The following CEBPA variants were observed in gnomAD, a reference collection of about 807,000 sequenced individuals.
The protein encoded by CEBPA is CCAAT/enhancer-binding protein alpha.
CEBPA carries 2 observed loss-of-function variants against 5.1 expected under a neutral mutation model. That is an observed-to-expected ratio of 0.39 (90% CI 0.16 to 1.23). CEBPA has a LOEUF of 1.23. CEBPA is among the 50% of genes most tolerant of loss of function. The probability of loss-of-function intolerance (pLI) is 0.34; values close to 1 mark genes in which losing one functional copy is unlikely to be tolerated. For missense variants in CEBPA, 455 were observed against 537.4 expected, an observed-to-expected ratio of 0.85 and a Z score of 1.52; for synonymous variants, 275 against 264.1, an observed-to-expected ratio of 1.04 and a Z score of -0.40.
In CEBPA at chr19:33,301,130, C is replaced by T. The variant is rs916971060; in HGVS notation, c.*208G>A. The T allele has an allele frequency of 2.4e-6, 2 of 826,928 alleles. No homozygotes were observed. The highest frequency in any genetic ancestry group is 2.7e-5 in the East Asian group (1 of 37,164). 51.2% of individuals were successfully genotyped at this position (826,928 alleles called of 1,614,324 possible). ...ATTCTCCCCTCCTCGCAGGGAGAAGCCACCGCCTGGCCCCCTCATCTTAGA... is the reference window on the plus strand; with the variant it reads ...ATTCTCCCCTCCTCGCAGGGAGAAGTCACCGCCTGGCCCCCTCATCTTAGA... On this transcript the variant is annotated 3_prime_UTR_variant, in exon 1 of 1. Coordinates refer to ENST00000498907, the MANE Select transcript of CEBPA (RefSeq NM_004364.5). This position sits in a 1 kb window ranked among gnomAD's most constrained non-coding sequence, Gnocchi z 6.0.
In CEBPA at chr19:33,302,325, G is replaced by T; in HGVS notation, c.90C>A (p.Ala30=). The part of the protein sequence containing the change: ...QSPPHAPSSA[A]FGFPRGAGPA... The stretch of plus-strand genomic sequence containing the variant: ...GGCCCGCGCCCCGGGGAAAGCCGAA[G>T]GCGGCGCTGCTGGGCGCGTGCGGGG... The change falls in exon 1 of 1, where the codon GCC becomes GCA. Residue 30 remains alanine (A), a synonymous_variant. Transcript: ENST00000498907. 4 of 1,390,238 alleles carry T rather than the reference G, an allele frequency of 2.9e-6. No homozygotes were observed. The highest frequency in any genetic ancestry group is 3.7e-6 in the Non-Finnish European group (4 of 1,069,674). The allele number at this position is 1,390,238 out of a possible 1,614,324, so 86.1% of individuals were successfully genotyped here.
In CEBPA at chr19:33,301,470, C is replaced by T. The variant is rs780423965; in HGVS notation, c.945G>A (p.Leu315=). 4 of 1,613,386 alleles carry T rather than the reference C, an allele frequency of 2.5e-6. No homozygotes were observed. Among genetic ancestry groups the T allele is most frequent in the South Asian group, 1.1e-5 (1 of 91,086 alleles). Reference sequence around the variant, plus strand: ...GGCGGTCATTGTCACTGGTCAGCTCCAGCACCTTCTGCTGCGTCTCCACGT... The same window carrying T: ...GGCGGTCATTGTCACTGGTCAGCTCTAGCACCTTCTGCTGCGTCTCCACGT... ...QRNVETQQKV[L]ELTSDNDRLR... is the part of the protein sequence containing the mutation. The change falls in exon 1 of 1, where the codon CTG becomes CTA. Residue 315 remains leucine, a synonymous_variant. Coordinates refer to ENST00000498907, the MANE Select transcript of CEBPA (RefSeq NM_004364.5). This position sits in a 1 kb window ranked among gnomAD's most constrained non-coding sequence, Gnocchi z 6.0.
At position 33,302,503 on chromosome 19, in the gene CEBPA, C is replaced by A. The variant is rs1967211276; in HGVS notation, c.-89G>T. The A allele has an allele frequency of 1.3e-6, 1 of 788,612 alleles. No individual in the cohort carries two copies. Among genetic ancestry groups the A allele is most frequent in the Non-Finnish European group, 1.7e-6 (1 of 586,624 alleles). 48.9% of individuals were successfully genotyped at this position (788,612 alleles called of 1,614,324 possible). A position where few individuals can be genotyped will look rare whatever the true frequency, so the allele number is the denominator to read the frequency against. On this transcript the variant is annotated 5_prime_UTR_variant, in exon 1 of 1. Transcript: ENST00000498907. ...CCGCCGCCCACCCGGAGACCCTGCTCGCCCGCGCCCGCGCACCTCCGGGTC... is the reference window on the plus strand; with the variant it reads ...CCGCCGCCCACCCGGAGACCCTGCTAGCCCGCGCCCGCGCACCTCCGGGTC...
At position 33,300,407 on chromosome 19, in the gene CEBPA, A is replaced by G. The variant is rs1967124017; in HGVS notation, c.*931T>C. 4.3e-6 allele frequency: 1 copy of G among 233,348 alleles called. No individual in the cohort carries two copies. The highest frequency in any genetic ancestry group is 8.5e-6 in the Non-Finnish European group (1 of 117,976). The allele number at this position is 233,348 out of a possible 1,614,324, so 14.5% of individuals were successfully genotyped here. On this transcript the variant is annotated 3_prime_UTR_variant, in exon 1 of 1. Transcript: ENST00000498907. ...AGTGTTGATATCGGCTGATAAAGCA[A>G]AATATTTGGAAAGCTTGTCATAACT...
Position 33,301,599 on chromosome 19 carries a change from G to A in CEBPA, c.816C>T (p.Gly272=), listed in dbSNP as rs750852645. 1 of 1,600,306 alleles carries A rather than the reference G, an allele frequency of 6.2e-7. No individual in the cohort carries two copies. The change falls in exon 1 of 1, where the codon GGC becomes GGT. Residue 272 remains glycine (G), a synonymous_variant. Transcript: ENST00000498907. The surrounding 1 kb of genome is among the most constrained non-coding windows in gnomAD (Gnocchi z 6.0). ...TCTTGTCCACCGACTTCTTGGCCTTGCCCGCGCCGCTGCCGCCACTCGCGC... is the reference window on the plus strand; with the variant it reads ...TCTTGTCCACCGACTTCTTGGCCTTACCCGCGCCGCTGCCGCCACTCGCGC... ...DLRASGGSGA[G]KAKKSVDKNS... is the part of the protein sequence containing the mutation.
Position 33,302,368 on chromosome 19 carries a change from C to G in CEBPA, c.47G>C (p.Ser16Thr). Reference sequence around the variant, plus strand: ...GTGCGGGGGGCTCTGCAGGTGGCTGCTCATCGGGGGCCGCGGCTCCGCCTC... The same window carrying G: ...GTGCGGGGGGCTCTGCAGGTGGCTGGTCATCGGGGGCCGCGGCTCCGCCTC... ...FYEAEPRPPMSSHLQSPPHAP... is the reference protein window; with the variant it reads ...FYEAEPRPPMTSHLQSPPHAP... Residue 16 changes from serine to threonine, a missense_variant, in exon 1 of 1, where the codon AGC becomes ACC. Transcript: ENST00000498907. The G allele has an allele frequency of 7.6e-7, 1 of 1,311,958 alleles. No individual in the cohort carries two copies. Among genetic ancestry groups the G allele is most frequent in the Non-Finnish European group, 9.7e-7 (1 of 1,029,778 alleles). The allele number at this position is 1,311,958 out of a possible 1,614,324, so 81.3% of individuals were successfully genotyped here. A position where few individuals can be genotyped will look rare whatever the true frequency, so the allele number is the denominator to read the frequency against.
chr19:33,302,315 G>T lies in CEBPA; in HGVS notation c.100C>A (p.Pro34Thr), dbSNP rs996435066. ...HAPSSAAFGF[P>T]RGAGPAQPPA... ...GGCTGCGCGGGGCCCGCGCCCCGGGGAAAGCCGAAGGCGGCGCTGCTGGGC... is the reference window on the plus strand; with the variant it reads ...GGCTGCGCGGGGCCCGCGCCCCGGGTAAAGCCGAAGGCGGCGCTGCTGGGC... The change falls in exon 1 of 1, where the codon CCC (proline) becomes ACC (threonine). Residue 34 changes from proline (P) to threonine (T), a missense_variant. This residue lies in a region of CEBPA where 143 missense variants were observed against 153.9 expected (regional missense o/e 0.93). Coordinates refer to ENST00000498907, the MANE Select transcript of CEBPA (RefSeq NM_004364.5). The T allele has an allele frequency of 2.8e-6, 4 of 1,428,720 alleles. No homozygotes were observed. Among genetic ancestry groups the T allele is most frequent in the African/African-American group, 1.5e-5 (1 of 66,804 alleles). The allele number at this position is 1,428,720 out of a possible 1,614,324, so 88.5% of individuals were successfully genotyped here.
chr19:33,300,836 T>C lies in CEBPA; in HGVS notation c.*502A>G. 1 of 248,574 alleles carries C rather than the reference T, an allele frequency of 4.0e-6. No homozygotes were observed. Among genetic ancestry groups the C allele is most frequent in the East Asian group, 5.6e-5 (1 of 17,762 alleles). 15.4% of individuals were successfully genotyped at this position (248,574 alleles called of 1,614,324 possible). On this transcript the variant is annotated 3_prime_UTR_variant, in exon 1 of 1. Coordinates refer to ENST00000498907, the MANE Select transcript of CEBPA (RefSeq NM_004364.5). ...AAGTCCCTATGTTTCCACCCCTTTC[T>C]AAGGACAGGCGTGGAGGAGCGGCTG...
Position 33,301,808 on chromosome 19 carries a change from C to T in CEBPA, c.607G>A (p.Ala203Thr). 8.0e-7 allele frequency: 1 copy of T among 1,242,458 alleles called. No homozygotes were observed. Among genetic ancestry groups the T allele is most frequent in the Non-Finnish European group, 1.0e-6 (1 of 994,428 alleles). The allele number at this position is 1,242,458 out of a possible 1,614,324, so 77.0% of individuals were successfully genotyped here. Residue 203 changes from alanine (A) to threonine (T), a missense_variant, in exon 1 of 1, where the codon GCC becomes ACC. Physicochemically the swap from Ala to Thr is moderately conservative, Grantham distance 58. Around this residue, in one of 5 missense-constraint regions of CEBPA, gnomAD observed 141 missense variants for 124.1 expected, o/e 1.14. Coordinates refer to ENST00000498907, the MANE Select transcript of CEBPA (RefSeq NM_004364.5). The surrounding 1 kb of genome is among the most constrained non-coding windows in gnomAD (Gnocchi z 6.0). ...GCGATCTGGAACTGCAGGTGCGGGGCGGCCAGGTGCGCGGGCGGCGGGTGC... is the reference window on the plus strand; with the variant it reads ...GCGATCTGGAACTGCAGGTGCGGGGTGGCCAGGTGCGCGGGCGGCGGGTGC... ...HPHPPPAHLA[A>T]PHLQFQIAHC...
Position 33,301,246 on chromosome 19 carries a change from C to T in CEBPA, c.*92G>A, listed in dbSNP as rs1308588498. The T allele has an allele frequency of 3.4e-6, 5 of 1,477,756 alleles. No individual in the cohort carries two copies. The highest frequency in any genetic ancestry group is 4.5e-6 in the Non-Finnish European group (5 of 1,117,482). The allele number at this position is 1,477,756 out of a possible 1,614,324, so 91.5% of individuals were successfully genotyped here. On this transcript the variant is annotated 3_prime_UTR_variant, in exon 1 of 1. Transcript: ENST00000498907. This position sits in a 1 kb window ranked among gnomAD's most constrained non-coding sequence, Gnocchi z 6.0. The stretch of plus-strand genomic sequence containing the variant: ...CGGAATCTCCTAGTCCTGGCTCGCA[C>T]GGCTCGGGCAAGCCTCGAGATCCGG...
chr19:33,301,842 G>T lies in CEBPA; in HGVS notation c.573C>A (p.His191Gln). The change falls in exon 1 of 1, where the codon CAC (histidine) becomes CAA (glutamine). Residue 191 changes from histidine to glutamine, a missense_variant. This residue lies in a region of CEBPA where 141 missense variants were observed against 124.1 expected (regional missense o/e 1.14). Transcript: ENST00000498907. The surrounding 1 kb of genome is among the most constrained non-coding windows in gnomAD (Gnocchi z 6.0). ...YQPPPPPPPS[H>Q]PHPHPPPAHL... ...GCGCGGGCGGCGGGTGCGGGTGCGGGTGCGAGGGCGGCGGCGGCGGCGGCG... is the reference window on the plus strand; with the variant it reads ...GCGCGGGCGGCGGGTGCGGGTGCGGTTGCGAGGGCGGCGGCGGCGGCGGCG... 2 of 1,311,954 alleles carry T rather than the reference G, an allele frequency of 1.5e-6. No individual in the cohort carries two copies. The highest frequency in any genetic ancestry group is 9.7e-7 in the Non-Finnish European group (1 of 1,028,224). 81.3% of individuals were successfully genotyped at this position (1,311,954 alleles called of 1,614,324 possible).
At position 33,301,869 on chromosome 19, in the gene CEBPA, C is replaced by A. The variant is rs2145261525; in HGVS notation, c.546G>T (p.Gln182His). The A allele has an allele frequency of 7.9e-7, 1 of 1,272,930 alleles. No homozygotes were observed. Among genetic ancestry groups the A allele is most frequent in the Non-Finnish European group, 1.0e-6 (1 of 1,001,216 alleles). The allele number at this position is 1,272,930 out of a possible 1,614,324, so 78.9% of individuals were successfully genotyped here. A position where few individuals can be genotyped will look rare whatever the true frequency, so the allele number is the denominator to read the frequency against. Residue 182 changes from glutamine (Q) to histidine (H), a missense_variant, in exon 1 of 1, where the codon CAG (glutamine) becomes CAT (histidine). Coordinates refer to ENST00000498907, the MANE Select transcript of CEBPA (RefSeq NM_004364.5). The surrounding 1 kb of genome is among the most constrained non-coding windows in gnomAD (Gnocchi z 6.0). ...GCGAGGGCGGCGGCGGCGGCGGCGG[C>A]TGGTAAGGGAAGAGGCCGGCCAGCG... ...QLALAGLFPY[Q>H]PPPPPPPSHP...
In CEBPA at chr19:33,300,165, C is replaced by A. The variant is rs1205864313; in HGVS notation, c.*1173G>T. The stretch of plus-strand genomic sequence containing the variant: ...GGAAAGCTGAGGGCAAAGGAGAACC[C>A]CCCTCACCTCATTGGTCCCCCAGGA... On this transcript the variant is annotated 3_prime_UTR_variant, in exon 1 of 1. Coordinates refer to ENST00000498907, the MANE Select transcript of CEBPA (RefSeq NM_004364.5). 2 of 233,282 alleles carry A rather than the reference C, an allele frequency of 8.6e-6. No homozygotes were observed. Among genetic ancestry groups the A allele is most frequent in the Non-Finnish European group, 1.7e-5 (2 of 118,058 alleles). 14.5% of individuals were successfully genotyped at this position (233,282 alleles called of 1,614,324 possible).
Position 33,302,508 on chromosome 19 carries a change from G to A in CEBPA, c.-94C>T, listed in dbSNP as rs1967211635. On this transcript the variant is annotated 5_prime_UTR_variant, in exon 1 of 1. Transcript: ENST00000498907. Reference sequence around the variant, plus strand: ...GCCCACCCGGAGACCCTGCTCGCCCGCGCCCGCGCACCTCCGGGTCGCGAA... The same window carrying A: ...GCCCACCCGGAGACCCTGCTCGCCCACGCCCGCGCACCTCCGGGTCGCGAA... 2.5e-6 allele frequency: 2 copies of A among 801,558 alleles called. No individual in the cohort carries two copies. The highest frequency in any genetic ancestry group is 3.3e-6 in the Non-Finnish European group (2 of 598,378). 49.7% of individuals were successfully genotyped at this position (801,558 alleles called of 1,614,324 possible).
Position 33,301,875 on chromosome 19 carries a change from A to C in CEBPA, c.540T>G (p.Pro180=). 1 of 1,267,028 alleles carries C rather than the reference A, an allele frequency of 7.9e-7. No homozygotes were observed. Among genetic ancestry groups the C allele is most frequent in the Non-Finnish European group, 1.0e-6 (1 of 996,044 alleles). The allele number at this position is 1,267,028 out of a possible 1,614,324, so 78.5% of individuals were successfully genotyped here. ...GCGGCGGCGGCGGCGGCGGCTGGTA[A>C]GGGAAGAGGCCGGCCAGCGCCAGCT... is the stretch of plus-strand genomic sequence containing the variant. ...AKQLALAGLF[P]YQPPPPPPPS... is the part of the protein sequence containing the mutation. Residue 180 remains proline (P), a synonymous_variant, in exon 1 of 1, where the codon CCT becomes CCG. Transcript: ENST00000498907. This position sits in a 1 kb window ranked among gnomAD's most constrained non-coding sequence, Gnocchi z 6.0.
Position 33,301,111 on chromosome 19 carries a change from C to T in CEBPA, c.*227G>A, listed in dbSNP as rs1179320987. 4.4e-6 allele frequency: 3 copies of T among 685,740 alleles called. No individual in the cohort carries two copies. The highest frequency in any genetic ancestry group is 7.2e-6 in the Non-Finnish European group (3 of 418,312). 42.5% of individuals were successfully genotyped at this position (685,740 alleles called of 1,614,324 possible). On this transcript the variant is annotated 3_prime_UTR_variant, in exon 1 of 1. Coordinates refer to ENST00000498907, the MANE Select transcript of CEBPA (RefSeq NM_004364.5). The surrounding 1 kb of genome is among the most constrained non-coding windows in gnomAD (Gnocchi z 6.0). ...TCCCAGCTCAGCCCCAAGAATTCTCCCCTCCTCGCAGGGAGAAGCCACCGC... is the reference window on the plus strand; with the variant it reads ...TCCCAGCTCAGCCCCAAGAATTCTCTCCTCCTCGCAGGGAGAAGCCACCGC...
rs552634598 is a variant in CEBPA at position 33,301,803 on chromosome 19, C to T, written c.612G>A (p.Pro204=). ...PHPPPAHLAA[P]HLQFQIAHCG... ...AGTGCGCGATCTGGAACTGCAGGTG[C>T]GGGGCGGCCAGGTGCGCGGGCGGCG... Residue 204 remains proline (P), a synonymous_variant, in exon 1 of 1, where the codon CCG becomes CCA. Coordinates refer to ENST00000498907, the MANE Select transcript of CEBPA (RefSeq NM_004364.5). The surrounding 1 kb of genome is among the most constrained non-coding windows in gnomAD (Gnocchi z 6.0). 8.1e-7 allele frequency: 1 copy of T among 1,236,474 alleles called. No individual in the cohort carries two copies. The highest frequency in any genetic ancestry group is 1.0e-6 in the Non-Finnish European group (1 of 990,626). 76.6% of individuals were successfully genotyped at this position (1,236,474 alleles called of 1,614,324 possible).
rs1600020097 is a variant in CEBPA at position 33,301,240 on chromosome 19, C to T, written c.*98G>A. 2 of 1,475,410 alleles carry T rather than the reference C, an allele frequency of 1.4e-6. No homozygotes were observed. The highest frequency in any genetic ancestry group is 2.7e-5 in the South Asian group (2 of 73,680). The allele number at this position is 1,475,410 out of a possible 1,614,324, so 91.4% of individuals were successfully genotyped here. A position where few individuals can be genotyped will look rare whatever the true frequency, so the allele number is the denominator to read the frequency against. ...AGGCACCGGAATCTCCTAGTCCTGG[C>T]TCGCACGGCTCGGGCAAGCCTCGAG... is the stretch of plus-strand genomic sequence containing the variant. On this transcript the variant is annotated 3_prime_UTR_variant, in exon 1 of 1. Coordinates refer to ENST00000498907, the MANE Select transcript of CEBPA (RefSeq NM_004364.5). The surrounding 1 kb of genome is among the most constrained non-coding windows in gnomAD (Gnocchi z 6.0).
At position 33,302,502 on chromosome 19, in the gene CEBPA, T is replaced by TCGCCCG. The variant is rs1967211365; in HGVS notation, c.-94_-89dup. The stretch of plus-strand genomic sequence containing the variant: ...GCCGCCGCCCACCCGGAGACCCTGC[T>TCGCCCG]CGCCCGCGCCCGCGCACCTCCGGGT... On this transcript the variant is annotated 5_prime_UTR_variant, in exon 1 of 1. Coordinates refer to ENST00000498907, the MANE Select transcript of CEBPA (RefSeq NM_004364.5). The TCGCCCG allele has an allele frequency of 9.3e-6, 8 of 863,966 alleles. No homozygotes were observed. Among genetic ancestry groups the TCGCCCG allele is most frequent in the Non-Finnish European group, 1.2e-5 (8 of 654,954 alleles). 53.5% of individuals were successfully genotyped at this position (863,966 alleles called of 1,614,324 possible). A position where few individuals can be genotyped will look rare whatever the true frequency, so the allele number is the denominator to read the frequency against.
Sources: gnomAD v4.1 joint callset for allele counts on GRCh38, gnomAD v4.1.1 for gene constraint, gnomAD v4.1.1 regional missense constraint, Gnocchi (gnomAD v3.1) non-coding constraint, MANE v1.5 for transcripts, NCBI Gene and HGNC (gene_info 2026-07-23, HGNC 2026-07-21) for gene names.